AATK: variants seen among roughly 807,000 people sequenced by gnomAD.
The protein encoded by AATK is lemur tail kinase 1.
A neutral mutation model predicts 114.3 loss-of-function variants in AATK; 91 were observed. That is an observed-to-expected ratio of 0.80 (90% CI 0.67 to 0.95). The LOEUF is 0.95. Ranked by LOEUF, AATK falls within the 40% of genes least tolerant of loss-of-function variation. AATK has a pLI of 0.00. For synonymous variants in AATK, 1,075 were observed against 916.5 expected (o/e 1.17, Z -3.12); for missense variants, 2,176 against 1,965.2 (o/e 1.11, Z -2.03).
chr17:81,140,069 G>C (rs1022783176), intron 1 of AATK, among the ~76,000 whole-genome samples: 1 of 152,196 alleles, frequency 6.6e-6, no homozygotes, highest in African/African-American at 2.4e-5. Context: ...TGGGAATGCA[G>C]TGGGGTGATC....
chr17:81,125,935 G>A, intron 7 of AATK: 1 of 478,842 alleles, frequency 2.1e-6, no homozygotes, highest in South Asian at 1.5e-5. Context: ...CTCAGCACCA[G>A]GATATTGTTG....
chr17:81,153,907 C>A (rs2061329154), intron 1 of AATK, among the ~76,000 whole-genome samples: 1 of 152,072 alleles, frequency 6.6e-6, no homozygotes, highest in Non-Finnish European at 1.5e-5. Flanking sequence ...CCCGTCTCCA[C>A]TAAAAATACA....
chr17:81,125,375 A>C, intron 7 of AATK: 1 of 593,110 alleles, frequency 1.7e-6, no homozygotes. Flanking sequence ...CTACTACACT[A>C]TCACTCTCGG....
Position 81,126,492 on chromosome 17 carries a change from C to T in AATK, c.690G>A (p.Leu230=). ...AGGCCACCTCACAGGCCATGCGCTG[C>T]AGGGTCCGGGGGTCGGGAGCCATGG... is the stretch of plus-strand genomic sequence containing the variant. ...AESMAPDPRT[L]QRMACEVACG... The change falls in exon 7 of 14, where the codon CTG becomes CTA. Residue 230 remains leucine (L), a synonymous_variant. Transcript: ENST00000326724. The surrounding 1 kb of genome is among the most constrained non-coding windows in gnomAD (Gnocchi z 5.1). 1 of 1,553,628 alleles carries T rather than the reference C, an allele frequency of 6.4e-7. No individual in the cohort carries two copies. Among genetic ancestry groups the T allele is most frequent in the Non-Finnish European group, 8.7e-7 (1 of 1,148,678 alleles).
At position 81,131,205 on chromosome 17, in the gene AATK, C is replaced by T; in HGVS notation, c.190G>A (p.Glu64Lys). The T allele has an allele frequency of 6.4e-7, 1 of 1,573,448 alleles. No homozygotes were observed. The highest frequency in any genetic ancestry group is 8.6e-7 in the Non-Finnish European group (1 of 1,163,316). Residue 64 changes from glutamate to lysine, a missense_variant and splice_region_variant, in exon 3 of 14, where the codon GAG (glutamate) becomes AAG (lysine). Transcript: ENST00000326724. ...TCGTCCCCCTCCGCATTCTCAAACT[C>T]CTGCGGGCCGGGCCGGGCATGAGCG... ...CCKKGGIGFK[E>K]FENAEGDEYA...
At chr17:81,132,503 C>A (rs543422999) in intron 2 of AATK, among the ~76,000 whole-genome samples, 35 of 152,208 alleles carry the variant, frequency 2.3e-4, no homozygotes, top group Non-Finnish European at 4.7e-4. Context: ...GGGCAACTTC[C>A]CCTCCCCGGG....
chr17:81,131,880 A>T (rs1043671684), intron 2 of AATK: 2 of 1,318,350 alleles, frequency 1.5e-6, no homozygotes, highest in Non-Finnish European at 2.0e-6. Context: ...CCAACCGGCC[A>T]CCTTTACCCT....
At chr17:81,137,459 G>A (rs967836970) in intron 1 of AATK, among the ~76,000 whole-genome samples, 20 of 151,912 alleles carry the variant, frequency 1.3e-4, no homozygotes, top group Non-Finnish European at 2.5e-4. Context: ...ACCTGCTCTC[G>A]GCCACCCTGG....
At chr17:81,127,111 T>TGGGCAGGTCTCAGGGGGAGGGGG (rs2060846607) in intron 6 of AATK, among the ~76,000 whole-genome samples, 1 of 24,154 alleles carries the variant, frequency 4.1e-5, no homozygotes, top group African/African-American at 1.7e-4. Flanking sequence ...GGGGCGTTGA[T>TGGGCAGGTCTCAGGGGGAGGGGG]GGGCAGGTCT....
At chr17:81,141,901 C>A (rs1259004097) in intron 1 of AATK, among the ~76,000 whole-genome samples, 2 of 150,914 alleles carry the variant, frequency 1.3e-5, no homozygotes, top group South Asian at 2.1e-4. Flanking sequence ...TTTCTTTTTT[C>A]TCTCTCTTTC....
chr17:81,120,673 T>C lies in AATK; in HGVS notation c.3263A>G (p.Lys1088Arg), dbSNP rs2060688273. The C allele has an allele frequency of 6.6e-7, 1 of 1,516,696 alleles. No individual in the cohort carries two copies. The highest frequency in any genetic ancestry group is 1.3e-5 in the South Asian group (1 of 76,454). 94.0% of individuals were successfully genotyped at this position (1,516,696 alleles called of 1,614,324 possible). A position where few individuals can be genotyped will look rare whatever the true frequency, so the allele number is the denominator to read the frequency against. ...GCTGGGGCTGGGCCCAGGCCGCACCTTGGCTGGGCCTTGGGGCTCCGGAGG... is the reference window on the plus strand; with the variant it reads ...GCTGGGGCTGGGCCCAGGCCGCACCCTGGCTGGGCCTTGGGGCTCCGGAGG... ...PEPPEPQGPA[K>R]VRPGPSPSCS... The change falls in exon 11 of 14, where the codon AAG (lysine) becomes AGG (arginine). Residue 1088 changes from lysine to arginine, a missense_variant. Lys to Arg is a conservative substitution (Grantham distance 26, BLOSUM62 2). Coordinates refer to ENST00000326724, the MANE Select transcript of AATK (RefSeq NM_001080395.3).
At position 81,119,310 on chromosome 17, in the gene AATK, G is replaced by A. The variant is rs867261406; in HGVS notation, c.4084+70C>T. On this transcript the variant is annotated intron_variant, in intron 13 of 13. Coordinates refer to ENST00000326724, the MANE Select transcript of AATK (RefSeq NM_001080395.3). ...GCCCGGCCCAGGACCTAGACGGAGG[G>A]GCCCCACCCTCGGAGCTCCGTGCCC... 8.7e-5 allele frequency: 116 copies of A among 1,336,368 alleles called. No homozygotes were observed. The African/African-American group carries it at 1.2e-3, about 14-fold the overall frequency. The allele number at this position is 1,336,368 out of a possible 1,614,324, so 82.8% of individuals were successfully genotyped here. A position where few individuals can be genotyped will look rare whatever the true frequency, so the allele number is the denominator to read the frequency against.
rs768327838 is a variant in AATK at position 81,128,598 on chromosome 17, C to A, written c.335-49G>T. ...GGACCCAGTGTGGCCTCCGCACCCC[C>A]CAGCTTCCTCACCCGGCCCCTGGAG... On this transcript the variant is annotated intron_variant, in intron 3 of 13. Transcript: ENST00000326724. 4.5e-6 allele frequency: 7 copies of A among 1,546,204 alleles called. No homozygotes were observed. The South Asian group carries it at 4.8e-5, about 11-fold the overall frequency.
rs753542405 is a variant in AATK at position 81,121,010 on chromosome 17, C to T, written c.2926G>A (p.Glu976Lys). ...LASEGEGPGP[E>K]TRLSTSLSGL... ...CTGAGGGAGGTGGAGAGCCGTGTCTCGGGCCCGGGGCCCTCACCCTCTGAG... is the reference window on the plus strand; with the variant it reads ...CTGAGGGAGGTGGAGAGCCGTGTCTTGGGCCCGGGGCCCTCACCCTCTGAG... Residue 976 changes from glutamate to lysine, a missense_variant, in exon 11 of 14, where the codon GAG becomes AAG. Coordinates refer to ENST00000326724, the MANE Select transcript of AATK (RefSeq NM_001080395.3). 2.1e-5 allele frequency: 34 copies of T among 1,610,140 alleles called. No individual in the cohort carries two copies. Among genetic ancestry groups the T allele is most frequent in the East Asian group, 4.5e-5 (2 of 44,808 alleles).
chr17:81,126,672 A>T lies in AATK; in HGVS notation c.622-112T>A. ...CCCCTACCCACAGCTGAGGGACAGC[A>T]GCTGCCCAGAGCAGCCTCGTGCCCT... On this transcript the variant is annotated intron_variant, in intron 6 of 13. Transcript: ENST00000326724. The surrounding 1 kb of genome is among the most constrained non-coding windows in gnomAD (Gnocchi z 5.1). The T allele has an allele frequency of 2.1e-6, 3 of 1,453,246 alleles. No homozygotes were observed. The highest frequency in any genetic ancestry group is 2.7e-6 in the Non-Finnish European group (3 of 1,100,406). 90.0% of individuals were successfully genotyped at this position (1,453,246 alleles called of 1,614,324 possible). A position where few individuals can be genotyped will look rare whatever the true frequency, so the allele number is the denominator to read the frequency against.
Position 81,122,530 on chromosome 17 carries a change from G to A in AATK, c.1406C>T (p.Thr469Ile), listed in dbSNP as rs1263089562. 1 of 1,481,518 alleles carries A rather than the reference G, an allele frequency of 6.7e-7. No individual in the cohort carries two copies. The highest frequency in any genetic ancestry group is 2.1e-5 in the Admixed American group (1 of 46,622). The allele number at this position is 1,481,518 out of a possible 1,614,324, so 91.8% of individuals were successfully genotyped here. Residue 469 changes from threonine to isoleucine, a missense_variant, in exon 11 of 14, where the codon ACC becomes ATC. Physicochemically the swap from Thr to Ile is moderately conservative, Grantham distance 89. Around this residue, in one of 4 missense-constraint regions of AATK, gnomAD observed 1,701 missense variants for 1,394.7 expected, o/e 1.22. Coordinates refer to ENST00000326724, the MANE Select transcript of AATK (RefSeq NM_001080395.3). ...HADGDDVLTV[T>I]ETSRGLNFEY... The stretch of plus-strand genomic sequence containing the variant: ...AAAATTGAGGCCTCGGCTGGTCTCG[G>A]TCACCGTCAGCACGTCGTCGCCGTC...
At chr17:81,148,970 G>A (rs886543771) in intron 1 of AATK, among the ~76,000 whole-genome samples, 9 of 152,300 alleles carry the variant, frequency 5.9e-5, no homozygotes, top group Non-Finnish European at 1.2e-4. Flanking sequence ...AGGGAGACAC[G>A]GAGACCGGGG....
intron 1 of AATK, among the ~76,000 whole-genome samples, chr17:81,159,480 G>A (rs74002079): frequency 0.16 from 24,444 of 152,108 alleles, 2,906 homozygotes; most frequent in African/African-American, 0.33. Flanking sequence ...TGTGTGTGCC[G>A]TGGTCACTAG....
At chr17:81,137,838 T>C (rs538070105) in intron 1 of AATK, among the ~76,000 whole-genome samples, 34 of 151,162 alleles carry the variant, frequency 2.2e-4, no homozygotes, top group Non-Finnish European at 2.9e-4. Context: ...CACACACACA[T>C]ATGCATGTGT....
Sources: gnomAD v4.1 joint callset for allele counts (sites outside exome capture counted in the v4.1 genomes callset) on GRCh38, gnomAD v4.1.1 for gene constraint, gnomAD v4.1.1 regional missense constraint, Gnocchi (gnomAD v3.1) non-coding constraint, MANE v1.5 for transcripts, NCBI Gene and HGNC (gene_info 2026-07-23, HGNC 2026-07-21) for gene names.